Variants in GPC6 observed in about 807,000 individuals in gnomAD.
GPC6 encodes glypican 6.
Under a neutral mutation model 55.2 loss-of-function variants are expected in GPC6, and 14 were observed. That is an observed-to-expected ratio of 0.25 (90% CI 0.17 to 0.40). The LOEUF is 0.40. GPC6 is among the 10% of genes least tolerant of loss of function. The pLI, the probability that GPC6 is intolerant of heterozygous loss-of-function variation, is 1.00. For missense variants in GPC6, 641 were observed against 708.5 expected (o/e 0.90, Z 1.08); for synonymous variants, 278 against 259.6 (o/e 1.07, Z -0.68).
chr13:93,614,889 A>G (rs1343867168), intron 2 of GPC6, among the ~76,000 whole-genome samples: 2 of 151,954 alleles, frequency 1.3e-5, no homozygotes, highest in East Asian at 3.9e-4. Context: ...TATCTTGCTC[A>G]TTGCTTTTTT....
chr13:93,430,863 T>G (rs1233010163), intron 1 of GPC6, among the ~76,000 whole-genome samples: 2 of 152,124 alleles, frequency 1.3e-5, no homozygotes, highest in Non-Finnish European at 1.5e-5. Flanking sequence ...GAAATGATAT[T>G]GACAGGAAGC....
intron 4 of GPC6, among the ~76,000 whole-genome samples, chr13:94,066,301 A>C (rs1884513506): frequency 6.6e-6 from 1 of 152,128 alleles, no homozygotes; most frequent in Non-Finnish European, 1.5e-5. Flanking sequence ...TATATTCCTT[A>C]ATGTTAGTTC....
chr13:93,274,041 C>A (rs1367955516), intron 1 of GPC6, among the ~76,000 whole-genome samples: 1 of 151,926 alleles, frequency 6.6e-6, no homozygotes, highest in Non-Finnish European at 1.5e-5. Flanking sequence ...CTCCTGACCT[C>A]GTGATCCACC....
chr13:93,510,903 C>A (rs960313474), intron 1 of GPC6, among the ~76,000 whole-genome samples: 1 of 140,778 alleles, frequency 7.1e-6, no homozygotes, highest in Non-Finnish European at 1.6e-5. Flanking sequence ...TGATGTTGAG[C>A]AGTTTTTTTG....
chr13:94,400,881 G>A (rs936983526), intron 8 of GPC6, among the ~76,000 whole-genome samples: 2 of 152,166 alleles, frequency 1.3e-5, no homozygotes, highest in African/African-American at 4.8e-5. Flanking sequence ...ACAGATAGAT[G>A]TTATTACTCT....
chr13:93,609,164 T>A (rs1878360031), intron 2 of GPC6, among the ~76,000 whole-genome samples: 1 of 152,180 alleles, frequency 6.6e-6, no homozygotes, highest in East Asian at 1.9e-4. Context: ...CCAGGCCTTT[T>A]CTGTAATCTC....
chr13:94,091,563 C>T (rs1489238354), intron 4 of GPC6, among the ~76,000 whole-genome samples: 2 of 152,090 alleles, frequency 1.3e-5, no homozygotes, highest in South Asian at 2.1e-4. Flanking sequence ...AACCACACAA[C>T]AAACTTTGTA....
At chr13:93,444,579 C>G (rs565038633) in intron 1 of GPC6, among the ~76,000 whole-genome samples, 1 of 152,268 alleles carries the variant, frequency 6.6e-6, no homozygotes, top group African/African-American at 2.4e-5. Flanking sequence ...TGCACTCCAG[C>G]CTGGGTGACA....
At chr13:93,599,370 A>C (rs1336252053) in intron 2 of GPC6, among the ~76,000 whole-genome samples, 1 of 152,106 alleles carries the variant, frequency 6.6e-6, no homozygotes, top group African/African-American at 2.4e-5. Flanking sequence ...CTCAAATCCA[A>C]CTATTTGCTT....
Position 93,575,049 on chromosome 13 carries a change from T to G in GPC6, c.319+29628T>G, listed in dbSNP as rs768491185. 7.4e-4 allele frequency among the ~76,000 whole-genome samples: 112 copies of G among 152,014 alleles called. 1 individual carries two copies. Among genetic ancestry groups the G allele is most frequent in the Non-Finnish European group, 1.3e-3 (87 of 68,000 alleles). Reference sequence around the variant, plus strand: ...TGGCTCATGCCTGTAATCCCAGCATTTTGGGAGGCCGAGGCGGGTGGATCA... The same window carrying G: ...TGGCTCATGCCTGTAATCCCAGCATGTTGGGAGGCCGAGGCGGGTGGATCA... On this transcript the variant is annotated intron_variant, in intron 2 of 8. Coordinates refer to ENST00000377047, the MANE Select transcript of GPC6 (RefSeq NM_005708.5).
intron 3 of GPC6, among the ~76,000 whole-genome samples, chr13:94,026,212 C>T (rs2138718722): frequency 6.6e-6 from 1 of 152,162 alleles, no homozygotes; most frequent in East Asian, 1.9e-4. Context: ...GTGATTTTGT[C>T]AACATACTGG....
chr13:93,939,759 A>G (rs1277334348), intron 3 of GPC6, among the ~76,000 whole-genome samples: 1 of 152,152 alleles, frequency 6.6e-6, no homozygotes, highest in African/African-American at 2.4e-5. Context: ...CATAACACCA[A>G]CATTTTAAGG....
At chr13:93,982,713 G>A (rs977674724) in intron 3 of GPC6, among the ~76,000 whole-genome samples, 4 of 152,142 alleles carry the variant, frequency 2.6e-5, no homozygotes, top group Admixed American at 2.0e-4. Flanking sequence ...TTCTCAGCTG[G>A]TGGGTCATAA....
intron 2 of GPC6, among the ~76,000 whole-genome samples, chr13:93,677,169 G>A (rs1475794429): frequency 6.6e-6 from 1 of 152,064 alleles, no homozygotes; most frequent in Non-Finnish European, 1.5e-5. Context: ...TAATTTAGAA[G>A]GGAGAAATGA....
At chr13:94,245,207 A>T (rs1251982405) in intron 4 of GPC6, among the ~76,000 whole-genome samples, 1 of 151,848 alleles carries the variant, frequency 6.6e-6, no homozygotes, top group Non-Finnish European at 1.5e-5. Context: ...CTACTGTTTT[A>T]TTCTCTATCT....
At chr13:94,182,386 G>T (rs1333198719) in intron 4 of GPC6, among the ~76,000 whole-genome samples, 1 of 152,194 alleles carries the variant, frequency 6.6e-6, no homozygotes, top group Non-Finnish European at 1.5e-5. Flanking sequence ...GGGACTATAG[G>T]ATGGCTGCAG....
intron 1 of GPC6, among the ~76,000 whole-genome samples, chr13:93,417,836 T>C (rs1333378369): frequency 6.6e-6 from 1 of 151,944 alleles, no homozygotes; most frequent in Admixed American, 6.6e-5. Context: ...ATATACTTGG[T>C]TTTGGACAAA....
At chr13:93,770,665 T>G (rs1252958683) in intron 2 of GPC6, among the ~76,000 whole-genome samples, 1 of 152,318 alleles carries the variant, frequency 6.6e-6, no homozygotes, top group Admixed American at 6.5e-5. Flanking sequence ...CTATGGACTG[T>G]AATGATTTCT....
chr13:94,331,672 G>A (rs927444058), intron 6 of GPC6, among the ~76,000 whole-genome samples: 4 of 152,162 alleles, frequency 2.6e-5, no homozygotes, highest in Admixed American at 2.0e-4. Context: ...ATAAATTCAT[G>A]CATTTCCAAA....
Sources: allele counts gnomAD v4.1 joint callset (sites outside exome capture counted in the v4.1 genomes callset), GRCh38; gene constraint gnomAD v4.1.1; transcripts MANE v1.5; gene names NCBI Gene and HGNC (gene_info 2026-07-23, HGNC 2026-07-21).